CNTNAP2: variants seen among roughly 807,000 people sequenced by gnomAD.
The protein encoded by CNTNAP2 is contactin associated protein 2, also known as contactin-associated protein-like 2.
Under a neutral mutation model 155.2 loss-of-function variants are expected in CNTNAP2, and 98 were observed. The ratio of observed to expected loss-of-function variants is 0.63; its 90% CI spans 0.54 to 0.75. CNTNAP2 has a LOEUF of 0.75. Ranked by LOEUF, CNTNAP2 falls within the 30% of genes least tolerant of loss-of-function variation. The pLI is 0.00. For missense variants in CNTNAP2, 1,727 were observed against 1,688.1 expected, an observed-to-expected ratio of 1.02 and a Z score of -0.40; for synonymous variants, 651 against 631.2, an observed-to-expected ratio of 1.03 and a Z score of -0.47.
At chr7:147,967,981 A>G (rs780371372) in intron 14 of CNTNAP2, among the ~76,000 whole-genome samples, 1 of 152,184 alleles carries the variant, frequency 6.6e-6, no homozygotes, top group African/African-American at 2.4e-5. Flanking sequence ...GGTTTTTTTC[A>G]TCTCTCTCCA....
chr7:146,623,374 G>T (rs1311755816), intron 1 of CNTNAP2, among the ~76,000 whole-genome samples: 1 of 151,840 alleles, frequency 6.6e-6, no homozygotes, highest in East Asian at 1.9e-4. Flanking sequence ...CACCATTATG[G>T]TATCATATAG....
At chr7:146,415,534 A>G (rs1327555658) in intron 1 of CNTNAP2, among the ~76,000 whole-genome samples, 1 of 152,072 alleles carries the variant, frequency 6.6e-6, no homozygotes, top group Non-Finnish European at 1.5e-5. Context: ...TGCTTAATGA[A>G]CTCTTTGAAA....
chr7:147,073,890 G>T (rs1444511639), intron 4 of CNTNAP2, among the ~76,000 whole-genome samples: 1 of 152,156 alleles, frequency 6.6e-6, no homozygotes, highest in African/African-American at 2.4e-5. Context: ...GAAGGGTGGG[G>T]TTAGGAGATT....
rs2116934988 is a variant in CNTNAP2, at chr7:147,383,063, G to A, written c.1499-12546G>A. Among the ~76,000 whole-genome samples the A allele has an allele frequency of 2.0e-5, 3 of 152,110 alleles. No homozygotes were observed. In the East Asian group the frequency reaches 5.8e-4, roughly 29 times the overall value. The stretch of plus-strand genomic sequence containing the variant: ...GTGCTTAATAAATATAAACAGGATT[G>A]AAATTGCCAACACTATTTTTATCCT... On this transcript the variant is annotated intron_variant, in intron 9 of 23. Transcript: ENST00000361727.
intron 13 of CNTNAP2, among the ~76,000 whole-genome samples, chr7:147,842,582 C>CTTT (rs1563108253): frequency 1.8e-5 from 1 of 55,168 alleles, no homozygotes; most frequent in Non-Finnish European, 3.5e-5. Context: ...TTACTTTTTA[C>CTTT]TTTTCTTTTT....
At chr7:146,557,164 G>A (rs1798210039) in intron 1 of CNTNAP2, among the ~76,000 whole-genome samples, 1 of 151,994 alleles carries the variant, frequency 6.6e-6, no homozygotes, top group Non-Finnish European at 1.5e-5. Flanking sequence ...TCCCAACAGT[G>A]CCATCAGCTG....
chr7:147,830,981 C>G (rs1798537003), intron 13 of CNTNAP2, among the ~76,000 whole-genome samples: 1 of 152,162 alleles, frequency 6.6e-6, no homozygotes, highest in African/African-American at 2.4e-5. Context: ...ATTGCATTAC[C>G]ATAGCCTTGC....
At chr7:146,767,678 G>A (rs1219581094) in intron 1 of CNTNAP2, among the ~76,000 whole-genome samples, 1 of 152,184 alleles carries the variant, frequency 6.6e-6, no homozygotes, top group African/African-American at 2.4e-5. Context: ...GCTAGATTGA[G>A]TAGTAGTCAA....
intron 3 of CNTNAP2, among the ~76,000 whole-genome samples, chr7:146,879,312 A>G (rs1562984522): frequency 6.6e-6 from 1 of 152,180 alleles, no homozygotes; most frequent in Admixed American, 6.6e-5. Context: ...TAAAATTAGA[A>G]TTAAATGCAT....
intron 13 of CNTNAP2, among the ~76,000 whole-genome samples, chr7:147,855,516 G>A (rs1351064558): frequency 7.7e-6 from 1 of 130,206 alleles, no homozygotes; most frequent in Non-Finnish European, 1.7e-5. Flanking sequence ...GCTCGGCATG[G>A]TGGCTCACAC....
In CNTNAP2 at chr7:146,743,435, C is replaced by T. The variant is rs117955089; in HGVS notation, c.98-30836C>T. On this transcript the variant is annotated intron_variant, in intron 1 of 23. Coordinates refer to ENST00000361727, the MANE Select transcript of CNTNAP2 (RefSeq NM_014141.6). ...CCCTGGAATTTGTCTTTGAATGCAT[C>T]TTATTACAAACTAGTGATTCGACCA... Among the ~76,000 whole-genome samples the T allele has an allele frequency of 8.0e-3, 1,211 of 152,274 alleles. 7 individuals carry two copies. The highest frequency in any genetic ancestry group is 0.013 in the Non-Finnish European group (909 of 68,004).
chr7:146,815,050 TAG>T (rs1377688950), intron 2 of CNTNAP2, among the ~76,000 whole-genome samples: 1 of 152,200 alleles, frequency 6.6e-6, no homozygotes, highest in Admixed American at 6.5e-5. Flanking sequence ...TTCTTCAATT[TAG>T]AGTTTATTTA....
chr7:146,358,952 A>T (rs1331734567), intron 1 of CNTNAP2, among the ~76,000 whole-genome samples: 1 of 152,200 alleles, frequency 6.6e-6, no homozygotes, highest in Non-Finnish European at 1.5e-5. Context: ...GATGATGCCA[A>T]CAATAAAGAT....
intron 1 of CNTNAP2, among the ~76,000 whole-genome samples, chr7:146,400,060 C>T (rs1160322426): frequency 1.3e-5 from 2 of 152,068 alleles, no homozygotes; most frequent in Non-Finnish European, 2.9e-5. Context: ...AACCCTCTTG[C>T]CTTTTTACCT....
chr7:147,679,424 A>G (rs1232830386), intron 13 of CNTNAP2, among the ~76,000 whole-genome samples: 2 of 151,948 alleles, frequency 1.3e-5, no homozygotes, highest in Non-Finnish European at 2.9e-5. Context: ...ATTAAGAACA[A>G]AAAAGTGTCT....
chr7:147,876,619 C>A (rs1799423129), intron 13 of CNTNAP2, among the ~76,000 whole-genome samples: 1 of 123,240 alleles, frequency 8.1e-6, no homozygotes, highest in African/African-American at 3.1e-5. Flanking sequence ...TTATTCCTTC[C>A]TTTCCCTCCA....
intron 8 of CNTNAP2, among the ~76,000 whole-genome samples, chr7:147,222,917 A>C (rs1235740054): frequency 1.3e-5 from 2 of 151,680 alleles, no homozygotes; most frequent in Non-Finnish European, 2.9e-5. Context: ...GTTATGATAG[A>C]ACCCCAACAG....
chr7:146,212,423 G>T (rs1323495467), intron 1 of CNTNAP2, among the ~76,000 whole-genome samples: 4 of 152,116 alleles, frequency 2.6e-5, no homozygotes, highest in African/African-American at 9.7e-5. Context: ...TTATCTAACA[G>T]GCACAGAACA....
chr7:147,418,155 A>G (rs1314360147), intron 10 of CNTNAP2, among the ~76,000 whole-genome samples: 1 of 152,222 alleles, frequency 6.6e-6, no homozygotes, highest in Non-Finnish European at 1.5e-5. Context: ...TAAGTGAATA[A>G]TATTCTTCTT....
Sources: gnomAD v4.1 joint callset for allele counts (sites outside exome capture counted in the v4.1 genomes callset) on GRCh38, gnomAD v4.1.1 for gene constraint, MANE v1.5 for transcripts, NCBI Gene and HGNC (gene_info 2026-07-23, HGNC 2026-07-21) for gene names.